Variants in GALNTL6 observed in about 807,000 individuals in gnomAD.
GALNTL6 encodes polypeptide N-acetylgalactosaminyltransferase like 6, also known as polypeptide N-acetylgalactosaminyltransferase-like 6.
A neutral mutation model predicts 73.7 loss-of-function variants in GALNTL6; 46 were observed. The observed-to-expected ratio is 0.62, with a 90% CI of 0.49 to 0.80. GALNTL6 has a LOEUF of 0.80. Ranked by LOEUF, GALNTL6 falls within the 30% of genes least tolerant of loss-of-function variation. The probability of loss-of-function intolerance (pLI) is 0.00; values close to 1 mark genes in which losing one functional copy is unlikely to be tolerated. For synonymous variants in GALNTL6, 259 were observed against 263.7 expected (o/e 0.98, Z 0.17); for missense variants, 604 against 755.0 (o/e 0.80, Z 2.34).
intron 2 of GALNTL6, among the ~76,000 whole-genome samples, chr4:172,042,521 A>G (rs576770599): frequency 6.6e-6 from 1 of 152,038 alleles, no homozygotes; most frequent in Admixed American, 6.6e-5. Flanking sequence ...AACTTTTCAT[A>G]TTCCCTCACA....
intron 5 of GALNTL6, among the ~76,000 whole-genome samples, chr4:172,353,486 T>C (rs528038750): frequency 6.6e-6 from 1 of 152,308 alleles, no homozygotes; most frequent in Admixed American, 6.5e-5. Flanking sequence ...TTAATTGTTA[T>C]ATTTCCTTGG....
chr4:172,838,573 T>C (rs1470755409), intron 7 of GALNTL6, among the ~76,000 whole-genome samples: 2 of 152,202 alleles, frequency 1.3e-5, no homozygotes, highest in Admixed American at 1.3e-4. Context: ...TCTTTTGTCT[T>C]GCAACCAAAG....
chr4:172,384,623 C>T (rs1743396225), intron 5 of GALNTL6, among the ~76,000 whole-genome samples: 2 of 151,670 alleles, frequency 1.3e-5, no homozygotes, highest in Admixed American at 6.6e-5. Context: ...TTATTACCTT[C>T]TTTCTCATTG....
chr4:172,709,951 G>A (rs988222107), intron 5 of GALNTL6, among the ~76,000 whole-genome samples: 1 of 151,858 alleles, frequency 6.6e-6, no homozygotes, highest in African/African-American at 2.4e-5. Context: ...ATTATTAAAG[G>A]AGTTTTCACA....
intron 2 of GALNTL6, among the ~76,000 whole-genome samples, chr4:171,967,075 C>T (rs1445586463): frequency 2.6e-5 from 4 of 152,166 alleles, no homozygotes; most frequent in South Asian, 2.1e-4. Context: ...ATTATCAAAA[C>T]CTCCAAGTAT....
chr4:172,846,733 A>G (rs1419089462), intron 7 of GALNTL6, among the ~76,000 whole-genome samples: 1 of 152,214 alleles, frequency 6.6e-6, no homozygotes, highest in East Asian at 1.9e-4. Flanking sequence ...TTTACAGATC[A>G]ATACCACAAT....
At position 172,399,787 on chromosome 4, in the gene GALNTL6, A is replaced by T. The variant is rs1743974771; in HGVS notation, c.553+51098A>T. ...TCATTCACCAGCAAAATAGAATGTA[A>T]CCAAAAAATCAAAGCATGATGTTTA... On this transcript the variant is annotated intron_variant, in intron 5 of 12. Coordinates refer to ENST00000506823, the MANE Select transcript of GALNTL6 (RefSeq NM_001034845.3). Among the ~76,000 whole-genome samples the T allele has an allele frequency of 2.6e-5, 4 of 152,260 alleles. No homozygotes were observed. The South Asian group carries it at 6.2e-4, about 24-fold the overall frequency.
intron 10 of GALNTL6, among the ~76,000 whole-genome samples, chr4:172,961,870 G>A (rs181462665): frequency 6.6e-6 from 1 of 152,316 alleles, no homozygotes; most frequent in East Asian, 1.9e-4. Context: ...CCCAAGGGAG[G>A]TCCCCCGATC....
intron 2 of GALNTL6, among the ~76,000 whole-genome samples, chr4:171,974,195 G>A (rs1739651590): frequency 1.3e-5 from 2 of 151,670 alleles, no homozygotes; most frequent in Admixed American, 6.6e-5. Context: ...AATAATCCGT[G>A]TATTCTGAAA....
At chr4:172,890,766 G>T (rs1486125112) in intron 8 of GALNTL6, among the ~76,000 whole-genome samples, 2 of 152,118 alleles carry the variant, frequency 1.3e-5, no homozygotes, top group Non-Finnish European at 2.9e-5. Flanking sequence ...CTGCCTCAAT[G>T]ACCTGTCTAA....
chr4:172,268,349 G>A (rs140074172), intron 3 of GALNTL6, among the ~76,000 whole-genome samples: 1 of 152,182 alleles, frequency 6.6e-6, no homozygotes, highest in Admixed American at 6.5e-5. Flanking sequence ...GGATTGGGAA[G>A]AGCAGAAAGT....
chr4:172,391,097 T>C (rs112479233), intron 5 of GALNTL6, among the ~76,000 whole-genome samples: 68 of 152,348 alleles, frequency 4.5e-4, no homozygotes, highest in African/African-American at 1.1e-3. Flanking sequence ...TCAATATCAT[T>C]GTGGATGTGG....
chr4:172,563,357 A>G (rs1415265349), intron 5 of GALNTL6, among the ~76,000 whole-genome samples: 2 of 115,984 alleles, frequency 1.7e-5, no homozygotes, highest in African/African-American at 2.5e-5. Context: ...AAAATGACCA[A>G]CTGTCAATCC....
intron 5 of GALNTL6, among the ~76,000 whole-genome samples, chr4:172,439,629 T>C (rs1198001685): frequency 6.6e-6 from 1 of 151,902 alleles, no homozygotes; most frequent in African/African-American, 2.4e-5. Flanking sequence ...CCAAAATTTT[T>C]ATGTTCAACC....
At chr4:172,871,617 T>A (rs1042226056) in intron 7 of GALNTL6, among the ~76,000 whole-genome samples, 3 of 145,950 alleles carry the variant, frequency 2.1e-5, no homozygotes, top group East Asian at 4.1e-4. Context: ...TGAGAGTGTG[T>A]GTGTGTGTGT....
chr4:172,481,405 A>G (rs990135320), intron 5 of GALNTL6, among the ~76,000 whole-genome samples: 2 of 127,744 alleles, frequency 1.6e-5, no homozygotes, highest in African/African-American at 2.7e-5. Flanking sequence ...AAGCTTCCAC[A>G]GTGTGGAAGG....
In GALNTL6 at chr4:172,012,705, AT is replaced by A. The variant is rs144787095; in HGVS notation, c.138+197990del. Among the ~76,000 whole-genome samples the A allele has an allele frequency of 8.4e-3, 1,282 of 151,938 alleles. 15 individuals are homozygous for A. Among genetic ancestry groups the A allele is most frequent in the African/African-American group, 0.025 (1,044 of 41,442 alleles). ...AACTTCCCATGACTTTACTCAGGTC[AT>A]TTCTCTTCTACTCCCCTATAATCTC... On this transcript the variant is annotated intron_variant, in intron 2 of 12. Coordinates refer to ENST00000506823, the MANE Select transcript of GALNTL6 (RefSeq NM_001034845.3).
chr4:172,636,492 A>C (rs1276296798), intron 5 of GALNTL6, among the ~76,000 whole-genome samples: 1 of 152,148 alleles, frequency 6.6e-6, no homozygotes, highest in Non-Finnish European at 1.5e-5. Context: ...TACTCACAAG[A>C]GTCCTTAAAA....
chr4:172,678,050 T>C (rs754973729), intron 5 of GALNTL6, among the ~76,000 whole-genome samples: 90 of 152,344 alleles, frequency 5.9e-4, no homozygotes, highest in Non-Finnish European at 9.3e-4. Flanking sequence ...CTCTAATTCA[T>C]GTGCGTGTCT....
Sources: allele counts gnomAD v4.1 joint callset (sites outside exome capture counted in the v4.1 genomes callset), GRCh38; gene constraint gnomAD v4.1.1; transcripts MANE v1.5; gene names NCBI Gene and HGNC (gene_info 2026-07-23, HGNC 2026-07-21).